Variants in FRYL observed in about 807,000 individuals in gnomAD.
FRYL encodes the protein FRY like transcription coactivator.
Under a neutral mutation model 351.2 loss-of-function variants are expected in FRYL, and 150 were observed. The observed-to-expected ratio is 0.43, with a 90% CI of 0.37 to 0.49. The LOEUF (loss-of-function observed/expected upper bound fraction) is 0.49. Ranked by LOEUF, FRYL falls within the 20% of genes least tolerant of loss-of-function variation. The probability of loss-of-function intolerance (pLI) is 0.00; values close to 1 mark genes in which losing one functional copy is unlikely to be tolerated. For synonymous variants in FRYL, 1,153 were observed against 1,257.1 expected (o/e 0.92, Z 1.75); for missense variants, 3,036 against 3,619.3 (o/e 0.84, Z 4.13).
intron 13 of FRYL, among the ~76,000 whole-genome samples, chr4:48,597,995 A>C (rs1744944548): frequency 6.6e-6 from 1 of 152,256 alleles, no homozygotes; most frequent in Non-Finnish European, 1.5e-5. Context: ...TGAACTTAAT[A>C]TAAAACAAAA....
Position 48,528,300 on chromosome 4 carries a change from T to A in FRYL, c.6940A>T (p.Ser2314Cys). The A allele has an allele frequency of 6.2e-7, 1 of 1,612,994 alleles. No individual in the cohort carries two copies. Among genetic ancestry groups the A allele is most frequent in the Non-Finnish European group, 8.5e-7 (1 of 1,179,362 alleles). The part of the protein sequence containing the change: ...IIGNKYGDQH[S>C]AAGRNGKPKV... The stretch of plus-strand genomic sequence containing the variant: ...GGTTTCCCATTTCTTCCAGCCGCAC[T>A]GTGCTGATCACCATATTTGTTTCCA... Residue 2314 changes from serine to cysteine, a missense_variant, in exon 51 of 64, where the codon AGT becomes TGT. Transcript: ENST00000358350.
rs551333105 is a variant in FRYL, at chr4:48,612,303, C to T, written c.412-2480G>A. Among the ~76,000 whole-genome samples, 8 of 152,044 alleles carry T rather than the reference C, an allele frequency of 5.3e-5. No individual in the cohort carries two copies. The East Asian group carries it at 1.4e-3, about 26-fold the overall frequency. On this transcript the variant is annotated intron_variant, in intron 7 of 63. Coordinates refer to ENST00000358350, the MANE Select transcript of FRYL (RefSeq NM_015030.2). ...TTTCTTCGAGGCATCCATGTGCATT[C>T]GTAATAAACCTTTTGACCCTGGTAA...
intron 1 of FRYL, among the ~76,000 whole-genome samples, chr4:48,732,838 T>C (rs1335223825): frequency 8.6e-5 from 13 of 151,316 alleles, no homozygotes; most frequent in Non-Finnish European, 1.3e-4. Flanking sequence ...GACGGGTTGA[T>C]GTGTGCAGCA....
At chr4:48,687,516 A>AGGGGGGGGGGGGG (rs1560861234) in intron 2 of FRYL, among the ~76,000 whole-genome samples, 1 of 46,500 alleles carries the variant, frequency 2.2e-5, no homozygotes, top group Non-Finnish European at 4.0e-5. Context: ...GTGAGGGGGG[A>AGGGGGGGGGGGGG]GGGGGGCGGA....
intron 3 of FRYL, among the ~76,000 whole-genome samples, chr4:48,664,421 CAG>C (rs1428569440): frequency 1.3e-5 from 2 of 152,144 alleles, no homozygotes; most frequent in African/African-American, 4.8e-5. Context: ...AATAAGGAAA[CAG>C]ATTTCCAATT....
At chr4:48,537,161 T>TA (rs1461366964) in intron 47 of FRYL, among the ~76,000 whole-genome samples, 4 of 152,198 alleles carry the variant, frequency 2.6e-5, no homozygotes, top group African/African-American at 9.6e-5. Flanking sequence ...CTTTAAAACA[T>TA]AAAAAACTTT....
At chr4:48,737,384 T>G (rs577892918) in intron 1 of FRYL, among the ~76,000 whole-genome samples, 198 of 152,234 alleles carry the variant, frequency 1.3e-3, no homozygotes, top group African/African-American at 4.7e-3. Context: ...TAATTGAGAT[T>G]AAATGAGCCA....
chr4:48,573,302 T>C (rs1738781995), intron 25 of FRYL, 59 bp from the exon 26 acceptor site: 2 of 1,107,084 alleles, frequency 1.8e-6, no homozygotes, highest in South Asian at 1.3e-5. Flanking sequence ...CTGACACAGG[T>C]AAATATGTAA....
intron 3 of FRYL, among the ~76,000 whole-genome samples, chr4:48,656,153 T>C (rs1758905890): frequency 7.4e-6 from 1 of 135,052 alleles, no homozygotes; most frequent in South Asian, 2.3e-4. Flanking sequence ...TTATAAAACG[T>C]ATATAATTAT....
At chr4:48,620,824 G>A (rs757893944) in intron 5 of FRYL, 46 bp from the exon 6 acceptor site, 15 of 1,522,174 alleles carry the variant, frequency 9.9e-6, no homozygotes, top group African/African-American at 1.4e-5. Context: ...AACACTGAAT[G>A]TACCACACTC....
At chr4:48,544,986 T>C (rs1731018539) in intron 42 of FRYL, 82 bp from the exon 43 acceptor site, 1 of 1,390,888 alleles carries the variant, frequency 7.2e-7, no homozygotes, top group African/African-American at 1.5e-5. Context: ...AAATTACACC[T>C]TTACAATTAG....
Position 48,535,690 on chromosome 4 carries a change from A to G in FRYL, c.6531T>C (p.Asp2177=), listed in dbSNP as rs1246100163. The G allele has an allele frequency of 1.3e-6, 2 of 1,591,144 alleles. No individual in the cohort carries two copies. Among genetic ancestry groups the G allele is most frequent in the Non-Finnish European group, 1.7e-6 (2 of 1,171,646 alleles). ...VCRYLHDSFS[D]TTFNLVTYLA... ...GATAAGTCACAAGATTAAATGTTGTATCTGAGAAGGAGTCATGCAGGTATC... is the reference window on the plus strand; with the variant it reads ...GATAAGTCACAAGATTAAATGTTGTGTCTGAGAAGGAGTCATGCAGGTATC... Residue 2177 remains aspartate (D), a synonymous_variant, in exon 48 of 64, where the codon GAT becomes GAC. Transcript: ENST00000358350.
chr4:48,633,650 T>C (rs1753686632), intron 4 of FRYL, among the ~76,000 whole-genome samples: 1 of 152,208 alleles, frequency 6.6e-6, no homozygotes, highest in Non-Finnish European at 1.5e-5. Context: ...TCATTCAAAA[T>C]GCCCCCTACT....
chr4:48,577,748 T>C (rs1336872873), intron 23 of FRYL, among the ~76,000 whole-genome samples: 6 of 151,942 alleles, frequency 3.9e-5, no homozygotes, highest in East Asian at 1.9e-4. Context: ...TGGTGGCTCA[T>C]AGCTATAATC....
chr4:48,519,510 T>C (rs202180479), intron 55 of FRYL, among the ~76,000 whole-genome samples: 11 of 121,628 alleles, frequency 9.0e-5, no homozygotes, highest in African/African-American at 3.0e-4. Flanking sequence ...TTTTTTTTAA[T>C]TTTTTATTTT....
rs202040065 is a variant in FRYL at position 48,543,822 on chromosome 4, T to G, written c.5577A>C (p.Pro1859=). 5.1e-5 allele frequency: 83 copies of G among 1,613,418 alleles called. No individual in the cohort carries two copies. The South Asian group carries it at 8.3e-4, about 16-fold the overall frequency. Residue 1859 remains proline, a synonymous_variant, in exon 44 of 64, where the codon CCA becomes CCC. Coordinates refer to ENST00000358350, the MANE Select transcript of FRYL (RefSeq NM_015030.2). ...LSRLVETVGD[P]GEDAQGFVIE... is the part of the protein sequence containing the mutation. ...AAGGAAATACCTGTGCATCTTCTCC[T>G]GGATCCCCTACAGTTTCTACAAGTC...
intron 3 of FRYL, among the ~76,000 whole-genome samples, chr4:48,674,606 G>A (rs1440878809): frequency 4.0e-5 from 6 of 151,490 alleles, no homozygotes; most frequent in Non-Finnish European, 7.4e-5. Flanking sequence ...GCGTGGTGGC[G>A]GGCTCCTGTA....
rs1047417078 is a variant in FRYL at position 48,549,869 on chromosome 4, C to T, written c.4634-246G>A. Reference sequence around the variant, plus strand: ...GTACGTCAAAGCAAAACTATATTAGCACTTCATCATGATTCCATCAATGAT... The same window carrying T: ...GTACGTCAAAGCAAAACTATATTAGTACTTCATCATGATTCCATCAATGAT... On this transcript the variant is annotated intron_variant, in intron 38 of 63. Coordinates refer to ENST00000358350, the MANE Select transcript of FRYL (RefSeq NM_015030.2). The surrounding 1 kb of genome is among the most constrained non-coding windows in gnomAD (Gnocchi z 4.2). Among the ~76,000 whole-genome samples, 1 of 152,156 alleles carries T rather than the reference C, an allele frequency of 6.6e-6. No individual in the cohort carries two copies. The highest frequency in any genetic ancestry group is 2.4e-5 in the African/African-American group (1 of 41,434).
Position 48,551,579 on chromosome 4 carries a change from C to T in FRYL, c.4436-1G>A. ...ATTGTATTGCTACTGGAAGTAGTTC[C>T]TGTAATCAAAGACAAAGCAGTACTC... On this transcript the variant is annotated splice_acceptor_variant, in intron 36 of 63. Transcript: ENST00000358350. LOFTEE classifies it high-confidence loss of function. The T allele has an allele frequency of 6.3e-7, 1 of 1,599,976 alleles. No individual in the cohort carries two copies. Among genetic ancestry groups the T allele is most frequent in the Non-Finnish European group, 8.6e-7 (1 of 1,167,918 alleles).
Sources: gnomAD v4.1 joint callset for allele counts (sites outside exome capture counted in the v4.1 genomes callset) on GRCh38, gnomAD v4.1.1 for gene constraint, Gnocchi (gnomAD v3.1) non-coding constraint, MANE v1.5 for transcripts, NCBI Gene and HGNC (gene_info 2026-07-23, HGNC 2026-07-21) for gene names.